GAB2: variants seen among roughly 807,000 people sequenced by gnomAD.
GAB2 encodes GRB2-associated-binding protein 2.
A neutral mutation model predicts 65.5 loss-of-function variants in GAB2; 26 were observed. The observed-to-expected ratio is 0.40, with a 90% CI of 0.29 to 0.55. The LOEUF is 0.55. Ranked by LOEUF, GAB2 falls within the 20% of genes least tolerant of loss-of-function variation. The pLI is 0.53. For synonymous variants in GAB2, 321 were observed against 329.6 expected, an observed-to-expected ratio of 0.97 and a Z score of 0.28; for missense variants, 884 against 875.8, an observed-to-expected ratio of 1.01 and a Z score of -0.12.
Position 78,295,482 on chromosome 11 carries a change from C to T in GAB2, c.76-14581G>A, listed in dbSNP as rs116157360. On this transcript the variant is annotated intron_variant, in intron 1 of 9. Transcript: ENST00000361507. Reference sequence around the variant, plus strand: ...CTTACTCACACCTACACAAACTCTCCCTTCCTCATTCCAATCATTCAATCA... The same window carrying T: ...CTTACTCACACCTACACAAACTCTCTCTTCCTCATTCCAATCATTCAATCA... Among the ~76,000 whole-genome samples the T allele has an allele frequency of 2.0e-3, 303 of 152,324 alleles. 1 individual carries two copies. The highest frequency in any genetic ancestry group is 7.1e-3 in the African/African-American group (294 of 41,556).
At chr11:78,369,141 C>CAA (rs566107327) in intron 1 of GAB2, among the ~76,000 whole-genome samples, 40 of 59,756 alleles carry the variant, frequency 6.7e-4, no homozygotes, top group African/African-American at 1.0e-3. Context: ...GACCCTGTCT[C>CAA]AAAAAAAAAA....
rs139085398 is a variant in GAB2, at chr11:78,341,796, T to G, written c.76-60895A>C. On this transcript the variant is annotated intron_variant, in intron 1 of 9. Coordinates refer to ENST00000361507, the MANE Select transcript of GAB2 (RefSeq NM_080491.3). ...GATACCAAAGGTCTAATTCCCTCAC[T>G]TGTCTCTCTATTGCTAGCCTCGCCT... is the stretch of plus-strand genomic sequence containing the variant. The G allele has an allele frequency of 5.9e-4, 581 of 986,272 alleles. 1 individual carries two copies. The African/African-American group carries it at 6.9e-3, about 12-fold the overall frequency. The allele number at this position is 986,272 out of a possible 1,614,324, so 61.1% of individuals were successfully genotyped here. A position where few individuals can be genotyped will look rare whatever the true frequency, so the allele number is the denominator to read the frequency against.
intron 2 of GAB2, among the ~76,000 whole-genome samples, chr11:78,258,292 AG>A (rs141699599): frequency 0.011 from 1,709 of 152,330 alleles, 29 homozygotes; most frequent in African/African-American, 0.032. Flanking sequence ...CAGAAGGGTT[AG>A]GGTCTACTGA....
intron 1 of GAB2, among the ~76,000 whole-genome samples, chr11:78,288,072 C>T (rs1442035149): frequency 1.3e-5 from 2 of 151,704 alleles, no homozygotes; most frequent in Non-Finnish European, 2.9e-5. Context: ...TTGCAGAGGA[C>T]ATGATTATCT....
intron 2 of GAB2, among the ~76,000 whole-genome samples, chr11:78,268,942 A>G (rs1865939640): frequency 6.6e-6 from 1 of 152,102 alleles, no homozygotes. Flanking sequence ...TGTTCTGTGG[A>G]TGACTAGAAC....
chr11:78,389,093 G>C (rs1261375967), intron 1 of GAB2, among the ~76,000 whole-genome samples: 1 of 152,072 alleles, frequency 6.6e-6, no homozygotes, highest in East Asian at 1.9e-4. Flanking sequence ...TTGCTCCCAG[G>C]GTCCTCCTAA....
At position 78,359,424 on chromosome 11, in the gene GAB2, A is replaced by G. The variant is rs575280353; in HGVS notation, c.75+58222T>C. 1.1e-4 allele frequency among the ~76,000 whole-genome samples: 16 copies of G among 152,292 alleles called. No homozygotes were observed. In the East Asian group the frequency reaches 2.7e-3, roughly 26 times the overall value. ...GTGAAATCTAGAAGATCACAGAATA[A>G]TTTTTCAATGTGCTAAGAAAAAATA... On this transcript the variant is annotated intron_variant, in intron 1 of 9. Transcript: ENST00000361507.
intron 1 of GAB2, among the ~76,000 whole-genome samples, chr11:78,382,418 G>A (rs374646527): frequency 1.3e-5 from 2 of 149,496 alleles, no homozygotes; most frequent in African/African-American, 2.5e-5. Flanking sequence ...TCGCTCTGTC[G>A]CCCAGGCTGG....
intron 1 of GAB2, among the ~76,000 whole-genome samples, chr11:78,347,201 G>T (rs1389088919): frequency 1.3e-5 from 2 of 152,160 alleles, no homozygotes; most frequent in Non-Finnish European, 1.5e-5. Flanking sequence ...TTGAGATACA[G>T]ACCTAAGCAA....
chr11:78,280,923 T>TA (rs1205469454), intron 1 of GAB2, 22 bp from the exon 2 acceptor site: 1 of 1,593,418 alleles, frequency 6.3e-7, no homozygotes, highest in African/African-American at 1.3e-5. Flanking sequence ...CAGGAAGGAG[T>TA]AAGAAGAGGG....
chr11:78,316,232 G>A (rs1171666079), intron 1 of GAB2, among the ~76,000 whole-genome samples: 4 of 151,970 alleles, frequency 2.6e-5, no homozygotes, highest in East Asian at 1.9e-4. Flanking sequence ...AGCCACTACC[G>A]GCTTCTCTCT....
At chr11:78,417,154 C>T (rs1337807344) in intron 1 of GAB2, among the ~76,000 whole-genome samples, 3 of 152,104 alleles carry the variant, frequency 2.0e-5, no homozygotes, top group Non-Finnish European at 4.4e-5. Flanking sequence ...GGGAGGCCGG[C>T]GGCCGGGAGG....
At chr11:78,225,244 C>G (rs1590943203) in intron 4 of GAB2, 42 bp from the exon 5 acceptor site, 5 of 1,304,886 alleles carry the variant, frequency 3.8e-6, no homozygotes, top group Non-Finnish European at 5.6e-6. Context: ...ATGGTTGATT[C>G]ATGTGTTGAC....
chr11:78,391,588 T>C (rs1856834641), intron 1 of GAB2, among the ~76,000 whole-genome samples: 1 of 152,208 alleles, frequency 6.6e-6, no homozygotes, highest in African/African-American at 2.4e-5. Flanking sequence ...CTGGGCTCCA[T>C]GTAAAGGCCA....
intron 1 of GAB2, among the ~76,000 whole-genome samples, chr11:78,289,000 C>T (rs1174257747): frequency 1.3e-5 from 2 of 152,174 alleles, no homozygotes; most frequent in Non-Finnish European, 2.9e-5. Flanking sequence ...AATTCTTGGC[C>T]GTTTGGCTAA....
chr11:78,246,007 G>A (rs527964274), intron 3 of GAB2, among the ~76,000 whole-genome samples: 7 of 150,252 alleles, frequency 4.7e-5, no homozygotes, highest in South Asian at 2.1e-4. Flanking sequence ...GTGCAATGGC[G>A]CAACCTCCGC....
At chr11:78,411,662 A>T (rs991629671) in intron 1 of GAB2, among the ~76,000 whole-genome samples, 4 of 152,206 alleles carry the variant, frequency 2.6e-5, no homozygotes, top group African/African-American at 7.2e-5. Flanking sequence ...TAAGTCTCAC[A>T]TCTTACATGA....
chr11:78,315,172 C>G (rs1855577111), intron 1 of GAB2, among the ~76,000 whole-genome samples: 1 of 152,164 alleles, frequency 6.6e-6, no homozygotes, highest in Non-Finnish European at 1.5e-5. Context: ...TATAAACACA[C>G]TTCAAAGTTC....
intron 1 of GAB2, among the ~76,000 whole-genome samples, chr11:78,364,931 G>C (rs1002250707): frequency 2.6e-5 from 4 of 152,072 alleles, no homozygotes; most frequent in Non-Finnish European, 5.9e-5. Context: ...ATAGTATTTT[G>C]CAAGTAGGTG....
Sources: allele counts gnomAD v4.1 joint callset (sites outside exome capture counted in the v4.1 genomes callset), GRCh38; gene constraint gnomAD v4.1.1; transcripts MANE v1.5; gene names NCBI Gene and HGNC (gene_info 2026-07-23, HGNC 2026-07-21).